The following THSD7B variants were observed in gnomAD, a reference collection of about 807,000 sequenced individuals.
The protein encoded by THSD7B is thrombospondin type 1 domain containing 7B, also known as thrombospondin type-1 domain-containing protein 7B.
A neutral mutation model predicts 213.6 loss-of-function variants in THSD7B; 138 were observed. The ratio of observed to expected loss-of-function variants is 0.65; its 90% CI spans 0.56 to 0.74. The LOEUF is 0.74. Among genes scored for constraint, THSD7B ranks in the 30% least tolerant of loss-of-function variants. The pLI is 0.00. For synonymous variants in THSD7B, 742 were observed against 687.0 expected, an observed-to-expected ratio of 1.08 and a Z score of -1.25; for missense variants, 1,931 against 1,991.5, an observed-to-expected ratio of 0.97 and a Z score of 0.58.
intron 15 of THSD7B, among the ~76,000 whole-genome samples, chr2:137,529,653 A>T (rs1424675153): frequency 6.6e-6 from 1 of 151,684 alleles, no homozygotes; most frequent in Non-Finnish European, 1.5e-5. Flanking sequence ...GAGACCATAG[A>T]AAACTTCAGA....
intron 5 of THSD7B, among the ~76,000 whole-genome samples, chr2:137,120,941 T>G (rs1688535468): frequency 6.6e-6 from 1 of 152,198 alleles, no homozygotes; most frequent in Non-Finnish European, 1.5e-5. Context: ...AGTTCAAATA[T>G]TCTCTCTAAA....
intron 1 of THSD7B, among the ~76,000 whole-genome samples, chr2:136,823,407 T>G (rs1363306055): frequency 5.9e-5 from 9 of 152,240 alleles, no homozygotes; most frequent in Admixed American, 5.9e-4. Flanking sequence ...CAGATGATAC[T>G]TGTTTTTATA....
chr2:137,005,039 T>C (rs1463173731), intron 2 of THSD7B, among the ~76,000 whole-genome samples: 1 of 152,214 alleles, frequency 6.6e-6, no homozygotes, highest in Non-Finnish European at 1.5e-5. Flanking sequence ...AAACATAGTC[T>C]TATTAAATAA....
At chr2:136,972,641 C>T (rs546703500) in intron 2 of THSD7B, among the ~76,000 whole-genome samples, 6 of 152,076 alleles carry the variant, frequency 3.9e-5, no homozygotes, top group South Asian at 2.1e-4. Flanking sequence ...TCAGGAAGGG[C>T]GATCGTTGGT....
chr2:137,046,566 C>A (rs545074893), intron 2 of THSD7B, among the ~76,000 whole-genome samples: 1 of 151,830 alleles, frequency 6.6e-6, no homozygotes, highest in Non-Finnish European at 1.5e-5. Context: ...ACCGTCTCTA[C>A]TAAAAATACA....
At chr2:136,831,408 A>G (rs1345478392) in intron 1 of THSD7B, among the ~76,000 whole-genome samples, 1 of 152,204 alleles carries the variant, frequency 6.6e-6, no homozygotes, top group Non-Finnish European at 1.5e-5. Flanking sequence ...GGCAAAGCCC[A>G]TATAGCTGTT....
chr2:137,409,592 G>A (rs1416092523), intron 13 of THSD7B, among the ~76,000 whole-genome samples: 1 of 152,206 alleles, frequency 6.6e-6, no homozygotes, highest in East Asian at 1.9e-4. Flanking sequence ...GAAGAAATAT[G>A]TATGATAATT....
At chr2:137,097,875 G>A (rs954572359) in intron 4 of THSD7B, among the ~76,000 whole-genome samples, 4 of 151,894 alleles carry the variant, frequency 2.6e-5, no homozygotes, top group African/African-American at 9.7e-5. Flanking sequence ...CAATCAACCA[G>A]TGTTCCATAG....
chr2:137,414,709 G>C (rs964231473), intron 14 of THSD7B, among the ~76,000 whole-genome samples: 4 of 151,806 alleles, frequency 2.6e-5, no homozygotes, highest in African/African-American at 7.3e-5. Flanking sequence ...GAAAGAATGA[G>C]ACCCTGCCTC....
intron 14 of THSD7B, among the ~76,000 whole-genome samples, chr2:137,449,163 G>T (rs1177627891): frequency 6.6e-6 from 1 of 152,082 alleles, no homozygotes; most frequent in Non-Finnish European, 1.5e-5. Flanking sequence ...GCAGGCTTGT[G>T]GAGAGAATAT....
At chr2:137,258,945 C>T (rs984520642) in intron 10 of THSD7B, among the ~76,000 whole-genome samples, 15 of 151,972 alleles carry the variant, frequency 9.9e-5, no homozygotes, top group Non-Finnish European at 2.1e-4. Context: ...GTTTGGTCTT[C>T]TGTTCCTGCG....
intron 2 of THSD7B, among the ~76,000 whole-genome samples, chr2:136,891,974 C>T (rs1030570437): frequency 2.0e-5 from 3 of 152,118 alleles, no homozygotes; most frequent in Non-Finnish European, 4.4e-5. Flanking sequence ...ACTCACATAG[C>T]TGGCACCTGG....
At chr2:137,122,221 C>A (rs921371991) in intron 5 of THSD7B, among the ~76,000 whole-genome samples, 1 of 152,094 alleles carries the variant, frequency 6.6e-6, no homozygotes, top group African/African-American at 2.4e-5. Context: ...TTGTTTATTT[C>A]TATCAGTGTT....
At chr2:137,131,037 C>T (rs1328770064) in intron 5 of THSD7B, among the ~76,000 whole-genome samples, 1 of 145,868 alleles carries the variant, frequency 6.9e-6, no homozygotes, top group Non-Finnish European at 1.5e-5. Context: ...CTCTCCAGCA[C>T]CTGTTGTTTC....
chr2:137,264,380 G>A (rs1682529331), intron 10 of THSD7B, among the ~76,000 whole-genome samples: 1 of 151,802 alleles, frequency 6.6e-6, no homozygotes, highest in Non-Finnish European at 1.5e-5. Flanking sequence ...ACCCTCCTGA[G>A]TAGCTGGGAC....
rs1230106565 is a variant in THSD7B at position 137,394,165 on chromosome 2, A to C, written c.2501-11448A>C. ...TGCTGTGCAGAAGCTCTTTAGTTTA[A>C]TTAGATCCCATTTGTCAATTTTGGC... is the stretch of plus-strand genomic sequence containing the variant. On this transcript the variant is annotated intron_variant, in intron 12 of 27. Coordinates refer to ENST00000409968, the MANE Select transcript of THSD7B (RefSeq NM_001316349.2). 4.1e-4 allele frequency among the ~76,000 whole-genome samples: 45 copies of C among 108,458 alleles called. 7 individuals are homozygous for C. Among genetic ancestry groups the C allele is most frequent in the African/African-American group, 1.4e-3 (43 of 31,060 alleles). 71.2% of individuals were successfully genotyped at this position (108,458 alleles called of 152,430 possible).
intron 7 of THSD7B, among the ~76,000 whole-genome samples, chr2:137,175,021 T>C (rs972191031): frequency 2.0e-4 from 31 of 152,200 alleles, no homozygotes; most frequent in African/African-American, 7.2e-4. Context: ...TCACTGGTGA[T>C]TGATCAAAGT....
At chr2:137,302,882 A>G (rs1683639822) in intron 12 of THSD7B, among the ~76,000 whole-genome samples, 1 of 151,986 alleles carries the variant, frequency 6.6e-6, no homozygotes, top group Non-Finnish European at 1.5e-5. Flanking sequence ...ATCTAAATTC[A>G]CTCTTCCCCT....
intron 12 of THSD7B, among the ~76,000 whole-genome samples, chr2:137,363,856 T>C (rs1412517257): frequency 6.6e-6 from 1 of 152,034 alleles, no homozygotes; most frequent in Non-Finnish European, 1.5e-5. Context: ...TTCCAATCAA[T>C]AGAAAAAGGG....
Sources: gnomAD v4.1 joint callset for allele counts (sites outside exome capture counted in the v4.1 genomes callset) on GRCh38, gnomAD v4.1.1 for gene constraint, MANE v1.5 for transcripts, NCBI Gene and HGNC (gene_info 2026-07-23, HGNC 2026-07-21) for gene names.